SLC30A8: variants seen among roughly 807,000 people sequenced by gnomAD.
SLC30A8 encodes solute carrier family 30 member 8.
SLC30A8 carries 27 observed loss-of-function variants against 36.9 expected under a neutral mutation model. The ratio of observed to expected loss-of-function variants is 0.73; its 90% confidence interval spans 0.54 to 1.01. The LOEUF is 1.01. Ranked by LOEUF, SLC30A8 falls within the 50% of genes least tolerant of loss-of-function variation. The pLI, the probability that SLC30A8 is intolerant of heterozygous loss-of-function variation, is 0.00. For synonymous variants in SLC30A8, 164 were observed against 172.4 expected (o/e 0.95, Z 0.38); for missense variants, 439 against 452.0 (o/e 0.97, Z 0.26).
chr8:117,100,288 C>T (rs1008442713), intron 2 of SLC30A8, among the ~76,000 whole-genome samples: 2 of 152,118 alleles, frequency 1.3e-5, no homozygotes, highest in Non-Finnish European at 2.9e-5. Flanking sequence ...TGTTAAGTAG[C>T]TTGAGCAATA....
intron 1 of SLC30A8, among the ~76,000 whole-genome samples, chr8:116,966,274 A>T (rs1814597987): frequency 6.6e-6 from 1 of 152,144 alleles, no homozygotes. Context: ...ACACCTTTAT[A>T]TTATAGTTGA....
chr8:116,994,253 T>A (rs1279213091), intron 1 of SLC30A8, among the ~76,000 whole-genome samples: 2 of 152,088 alleles, frequency 1.3e-5, no homozygotes, highest in African/African-American at 2.4e-5. Context: ...TTGGCACTGC[T>A]ACTGAATCTG....
chr8:116,952,366 T>C (rs1188325893), intron 1 of SLC30A8, among the ~76,000 whole-genome samples: 1 of 152,142 alleles, frequency 6.6e-6, no homozygotes, highest in Non-Finnish European at 1.5e-5. Flanking sequence ...TACAAATAAT[T>C]AAATAATTCT....
intron 1 of SLC30A8, among the ~76,000 whole-genome samples, chr8:116,984,332 TAC>T (rs1815370907): frequency 1.3e-5 from 2 of 152,150 alleles, no homozygotes; most frequent in African/African-American, 4.8e-5. Context: ...TATCCAGGAG[TAC>T]AACTGTTAAG....
chr8:116,971,430 C>G (rs1189551999), intron 1 of SLC30A8, among the ~76,000 whole-genome samples: 3 of 152,166 alleles, frequency 2.0e-5, no homozygotes, highest in Admixed American at 1.3e-4. Flanking sequence ...TTACTACTTT[C>G]TTCCTCTGTC....
intron 1 of SLC30A8, among the ~76,000 whole-genome samples, chr8:116,960,572 T>C (rs1294218270): frequency 6.6e-6 from 1 of 152,238 alleles, no homozygotes; most frequent in East Asian, 1.9e-4. Flanking sequence ...CATAGACTTG[T>C]CTCCACATAC....
At chr8:117,117,498 G>GA (rs767353442) in intron 2 of SLC30A8, among the ~76,000 whole-genome samples, 1 of 151,956 alleles carries the variant, frequency 6.6e-6, no homozygotes, top group Non-Finnish European at 1.5e-5. Context: ...GATGCTTTAT[G>GA]AAAAAATTTT....
chr8:116,963,215 T>A (rs1221369213), intron 1 of SLC30A8, among the ~76,000 whole-genome samples: 4 of 152,180 alleles, frequency 2.6e-5, no homozygotes, highest in Non-Finnish European at 5.9e-5. Context: ...TCAATAGCCC[T>A]CTTAGATTTT....
intron 2 of SLC30A8, among the ~76,000 whole-genome samples, chr8:117,151,517 G>T (rs1272939942): frequency 6.6e-6 from 1 of 152,188 alleles, no homozygotes; most frequent in Non-Finnish European, 1.5e-5. Flanking sequence ...AGCTCTGAAG[G>T]TTGCAAAATG....
intron 1 of SLC30A8, among the ~76,000 whole-genome samples, chr8:116,976,533 C>T (rs117454378): frequency 7.9e-5 from 12 of 152,280 alleles, no homozygotes; most frequent in Admixed American, 3.3e-4. Flanking sequence ...CTCTCAAGCA[C>T]GCAAGAGCAG....
chr8:117,072,261 C>T (rs1225359278), intron 2 of SLC30A8, among the ~76,000 whole-genome samples: 9 of 152,180 alleles, frequency 5.9e-5, no homozygotes, highest in African/African-American at 1.9e-4. Flanking sequence ...CTTAATCCCT[C>T]GCCCATCCCA....
intron 1 of SLC30A8, among the ~76,000 whole-genome samples, chr8:117,010,005 C>A (rs116162363): frequency 0.014 from 2,190 of 152,232 alleles, 57 homozygotes; most frequent in African/African-American, 0.05. Flanking sequence ...AGGCTTTGAA[C>A]CTGTCTGAGG....
intron 1 of SLC30A8, among the ~76,000 whole-genome samples, chr8:117,008,363 A>G (rs1816245579): frequency 6.6e-6 from 1 of 152,210 alleles, no homozygotes; most frequent in Non-Finnish European, 1.5e-5. Context: ...TATTGTCAAT[A>G]ACTTTAACAG....
chr8:117,165,589 A>G (rs771960791), intron 6 of SLC30A8, among the ~76,000 whole-genome samples: 1 of 152,186 alleles, frequency 6.6e-6, no homozygotes, highest in Non-Finnish European at 1.5e-5. Flanking sequence ...GGAATATTAA[A>G]GTATGTCAGA....
At chr8:116,976,920 G>A (rs1219471142) in intron 1 of SLC30A8, among the ~76,000 whole-genome samples, 3 of 146,028 alleles carry the variant, frequency 2.1e-5, no homozygotes, top group Non-Finnish European at 4.5e-5. Flanking sequence ...GGGTTCAAGC[G>A]ATTCTCCTGC....
intron 1 of SLC30A8, among the ~76,000 whole-genome samples, chr8:116,958,985 G>A (rs1305079988): frequency 1.3e-5 from 2 of 151,368 alleles, no homozygotes; most frequent in East Asian, 3.9e-4. Flanking sequence ...GAGTAGCTGG[G>A]ACTACAGGCG....
At chr8:116,954,730 C>G (rs990770647) in intron 1 of SLC30A8, among the ~76,000 whole-genome samples, 12 of 152,262 alleles carry the variant, frequency 7.9e-5, no homozygotes, top group African/African-American at 2.4e-4. Flanking sequence ...GAGGAGATAG[C>G]TCAGTAGCTA....
At chr8:117,016,900 T>A (rs938303736) in intron 1 of SLC30A8, among the ~76,000 whole-genome samples, 2 of 152,246 alleles carry the variant, frequency 1.3e-5, no homozygotes, top group Non-Finnish European at 2.9e-5. Context: ...ATATTTCTAA[T>A]TCACGTTATG....
intron 2 of SLC30A8, among the ~76,000 whole-genome samples, chr8:117,119,132 C>T (rs781464014): frequency 1.8e-4 from 28 of 151,872 alleles, no homozygotes; most frequent in Middle Eastern, 6.8e-3. Context: ...GAAAAGGTTC[C>T]AGATAGGCTC....
Sources: gnomAD v4.1 joint callset for allele counts (sites outside exome capture counted in the v4.1 genomes callset) on GRCh38, gnomAD v4.1.1 for gene constraint, MANE v1.5 for transcripts, NCBI Gene and HGNC (gene_info 2026-07-23, HGNC 2026-07-21) for gene names.